The following BPHL variants were observed in gnomAD, a reference collection of about 807,000 sequenced individuals.
BPHL encodes biphenyl hydrolase like, also known as serine hydrolase BPHL.
BPHL carries 27 observed loss-of-function variants against 31.2 expected under a neutral mutation model. The observed-to-expected ratio is 0.87, with a 90% CI of 0.64 to 1.19. The LOEUF (loss-of-function observed/expected upper bound fraction) is 1.19. Ranked by LOEUF, BPHL falls within the 50% of genes most tolerant of loss-of-function variation. The probability of loss-of-function intolerance (pLI) is 0.00; values close to 1 mark genes in which losing one functional copy is unlikely to be tolerated. For missense variants in BPHL, 356 were observed against 375.7 expected, an observed-to-expected ratio of 0.95 and a Z score of 0.43; for synonymous variants, 150 against 146.8, an observed-to-expected ratio of 1.02 and a Z score of -0.16.
chr6:3,123,631 G>A (rs754868753), intron 1 of BPHL, 26 bp from the exon 2 acceptor site: 2 of 1,596,952 alleles, frequency 1.3e-6, no homozygotes, highest in Non-Finnish European at 1.7e-6. Context: ...CTTTCCCCCT[G>A]TGGGGATGTG....
intron 6 of BPHL, among the ~76,000 whole-genome samples, chr6:3,151,464 C>T (rs1268615433): frequency 6.6e-6 from 1 of 152,146 alleles, no homozygotes; most frequent in Non-Finnish European, 1.5e-5. Context: ...ATTCCCACCC[C>T]CAATGTGGTG....
At chr6:3,132,032 C>T (rs1218063813) in intron 4 of BPHL, among the ~76,000 whole-genome samples, 1 of 152,236 alleles carries the variant, frequency 6.6e-6, no homozygotes, top group Non-Finnish European at 1.5e-5. Context: ...TGCAGTTGCT[C>T]TGACTTTCCT....
intron 4 of BPHL, among the ~76,000 whole-genome samples, chr6:3,129,838 C>T (rs906848344): frequency 7.0e-6 from 1 of 142,450 alleles, no homozygotes; most frequent in African/African-American, 2.6e-5. Flanking sequence ...TTGAGTTTCA[C>T]TCTTGTTGCC....
At chr6:3,135,686 G>A (rs1359825618) in intron 4 of BPHL, among the ~76,000 whole-genome samples, 19 of 151,060 alleles carry the variant, frequency 1.3e-4, no homozygotes, top group Non-Finnish European at 1.8e-4. Context: ...GTCTCTCTGC[G>A]TGGTGTTCTG....
intron 4 of BPHL, among the ~76,000 whole-genome samples, chr6:3,133,283 C>T (rs1761923890): frequency 6.6e-6 from 1 of 152,122 alleles, no homozygotes; most frequent in South Asian, 2.1e-4. Flanking sequence ...CTACCCCTCT[C>T]TCCCTCCCAC....
Position 3,123,818 on chromosome 6 carries a change from C to T in BPHL, c.211+58C>T, listed in dbSNP as rs915993675. On this transcript the variant is annotated intron_variant, in intron 2 of 6. Coordinates refer to ENST00000380379, the MANE Select transcript of BPHL (RefSeq NM_004332.4). ...TGCTGTAAAATCTATGATGCATTCACAATACTAGATGCCAAATACTGATGA... is the reference window on the plus strand; with the variant it reads ...TGCTGTAAAATCTATGATGCATTCATAATACTAGATGCCAAATACTGATGA... 5.1e-6 allele frequency: 7 copies of T among 1,362,074 alleles called. No individual in the cohort carries two copies. In the Admixed American group the frequency reaches 5.5e-5, roughly 11 times the overall value. 84.4% of individuals were successfully genotyped at this position (1,362,074 alleles called of 1,614,324 possible).
At chr6:3,119,034 GC>G (rs3215530) in intron 1 of BPHL, among the ~76,000 whole-genome samples, 187 bp downstream of exon 1, 6,534 of 152,308 alleles carry the variant, frequency 0.043, 264 homozygotes, top group African/African-American at 0.1. Flanking sequence ...TGGTGCTCGA[GC>G]CCCTCGATCG....
At chr6:3,118,423 C>A (rs1761447037), upstream of BPHL, 2 of 255,862 alleles carry the variant, frequency 7.8e-6, no homozygotes, top group Admixed American at 1.1e-4. Context: ...CTGGAAAGGC[C>A]ATGGTCGCTG....
intron 3 of BPHL, among the ~76,000 whole-genome samples, chr6:3,128,138 T>C (rs1283139051): frequency 1.3e-5 from 2 of 152,206 alleles, no homozygotes; most frequent in Non-Finnish European, 2.9e-5. Flanking sequence ...AGTTTTCTAA[T>C]AGTAGATAAT....
chr6:3,147,553 C>T (rs1197290757), intron 6 of BPHL, among the ~76,000 whole-genome samples: 1 of 152,064 alleles, frequency 6.6e-6, no homozygotes, highest in Non-Finnish European at 1.5e-5. Flanking sequence ...CCCGCCTCAG[C>T]CTCCTGAATA....
intron 4 of BPHL, among the ~76,000 whole-genome samples, chr6:3,131,575 C>G (rs1169299862): frequency 2.0e-5 from 3 of 152,216 alleles, no homozygotes; most frequent in African/African-American, 7.2e-5. Flanking sequence ...AGGCAAAAAT[C>G]TAATCACTTA....
Position 3,140,162 on chromosome 6 carries a change from A to G in BPHL, c.665-224A>G, listed in dbSNP as rs376440853. 1.6e-5 allele frequency: 9 copies of G among 566,026 alleles called. No homozygotes were observed. The highest frequency in any genetic ancestry group is 7.6e-5 in the African/African-American group (4 of 52,946). 35.1% of individuals were successfully genotyped at this position (566,026 alleles called of 1,614,324 possible). ...AATCAGGCTGCTTATTTACTAGTAG[A>G]ACTCAGAAACAGGCAAACAAACAAG... On this transcript the variant is annotated intron_variant, in intron 5 of 6. Transcript: ENST00000380379. This position sits in a 1 kb window ranked among gnomAD's most constrained non-coding sequence, Gnocchi z 5.2.
At chr6:3,134,214 C>T (rs1424260022) in intron 4 of BPHL, among the ~76,000 whole-genome samples, 1 of 151,962 alleles carries the variant, frequency 6.6e-6, no homozygotes, top group Non-Finnish European at 1.5e-5. Flanking sequence ...AATGTAACAA[C>T]AAAACGACCC....
chr6:3,145,172 G>A (rs1762296775), intron 6 of BPHL, among the ~76,000 whole-genome samples: 3 of 86,406 alleles, frequency 3.5e-5, no homozygotes, highest in Non-Finnish European at 5.7e-5. Flanking sequence ...TCAGGGTGGA[G>A]TGCTGGTTCG....
intron 6 of BPHL, among the ~76,000 whole-genome samples, chr6:3,151,971 G>A (rs959309183): frequency 1.3e-5 from 2 of 152,208 alleles, no homozygotes; most frequent in African/African-American, 2.4e-5. Context: ...ATCCAAAAAT[G>A]GAAGGGTGAT....
intron 5 of BPHL, chr6:3,137,994 T>G (rs1421992015): frequency 3.4e-5 from 43 of 1,281,106 alleles, no homozygotes; most frequent in Non-Finnish European, 4.1e-5. Flanking sequence ...GTGATATGAC[T>G]GTAACCATGA....
In BPHL at chr6:3,129,033, G is replaced by C. The variant is rs201828162; in HGVS notation, c.379-12G>C. ...AATAACCCGTGCCGTGCATTTTGTC[G>C]TATGATCATAGGCGCTGAAGTTTAA... On this transcript the variant is annotated splice_polypyrimidine_tract_variant and intron_variant, in intron 3 of 6. Coordinates refer to ENST00000380379, the MANE Select transcript of BPHL (RefSeq NM_004332.4). 1.2e-5 allele frequency: 20 copies of C among 1,614,106 alleles called. No individual in the cohort carries two copies. The highest frequency in any genetic ancestry group is 1.6e-5 in the Non-Finnish European group (19 of 1,180,046).
chr6:3,140,534 C>T lies in BPHL; in HGVS notation c.788+25C>T, dbSNP rs114602287. The T allele has an allele frequency of 9.4e-5, 151 of 1,612,198 alleles. No individual in the cohort carries two copies. The African/African-American group carries it at 1.9e-3, about 21-fold the overall frequency. ...GGTAAGTCCTGTCACCGCCTTCACA[C>T]TCCCCCCGAGAGCCTCGGAGTCAAT... is the stretch of plus-strand genomic sequence containing the variant. On this transcript the variant is annotated intron_variant, in intron 6 of 6. Transcript: ENST00000380379. This position sits in a 1 kb window ranked among gnomAD's most constrained non-coding sequence, Gnocchi z 5.2.
In BPHL at chr6:3,145,133, C is replaced by G. The variant is rs1387457792; in HGVS notation, c.788+4624C>G. On this transcript the variant is annotated intron_variant, in intron 6 of 6. Transcript: ENST00000380379. ...TTTGGGTTTGAGTTCTGGTGTGGGTCGGAGTGCTGGTTTGGGTCGAGTGCT... is the reference window on the plus strand; with the variant it reads ...TTTGGGTTTGAGTTCTGGTGTGGGTGGGAGTGCTGGTTTGGGTCGAGTGCT... Among the ~76,000 whole-genome samples the G allele has an allele frequency of 2.3e-5, 3 of 127,736 alleles. 1 individual carries two copies. Among genetic ancestry groups the G allele is most frequent in the Non-Finnish European group, 3.3e-5 (2 of 61,036 alleles). 83.8% of individuals were successfully genotyped at this position (127,736 alleles called of 152,430 possible).
Sources: gnomAD v4.1 joint callset for allele counts (sites outside exome capture counted in the v4.1 genomes callset) on GRCh38, gnomAD v4.1.1 for gene constraint, Gnocchi (gnomAD v3.1) non-coding constraint, MANE v1.5 for transcripts, NCBI Gene and HGNC (gene_info 2026-07-23, HGNC 2026-07-21) for gene names.